Variants in DHRS12 observed in about 807,000 individuals in gnomAD.
DHRS12 encodes the protein dehydrogenase/reductase SDR family member 12.
In DHRS12, 29 loss-of-function variants were observed where a neutral mutation model predicts 32.1. The ratio of observed to expected loss-of-function variants is 0.90; its 90% CI spans 0.67 to 1.23. The LOEUF (loss-of-function observed/expected upper bound fraction) is 1.23, where lower values mean the gene tolerates loss of function less well. DHRS12 is among the 50% of genes most tolerant of loss of function. The pLI is 0.00. For synonymous variants in DHRS12, 150 were observed against 135.9 expected, an observed-to-expected ratio of 1.10 and a Z score of -0.72; for missense variants, 330 against 337.2, an observed-to-expected ratio of 0.98 and a Z score of 0.17.
At chr13:51,759,107 G>A in the DHRS12 span, among the ~76,000 whole-genome samples, 68 of 152,326 alleles carry the variant, frequency 4.5e-4, no homozygotes, top group Middle Eastern at 3.4e-3. Flanking sequence ...CTTGAGCCCA[G>A]TAAGTCGAGG....
intron 7 of DHRS12, among the ~76,000 whole-genome samples, chr13:51,769,538 G>A (rs531877913): frequency 6.8e-4 from 103 of 152,134 alleles, no homozygotes; most frequent in African/African-American, 2.1e-3. Flanking sequence ...CCATGTCCCC[G>A]GGGCACCAGC....
chr13:51,759,516 A>T, the DHRS12 span, among the ~76,000 whole-genome samples: 2 of 152,204 alleles, frequency 1.3e-5, no homozygotes, highest in Admixed American at 6.5e-5. Flanking sequence ...ATCTGCCATG[A>T]TTCTTCATGA....
intron 4 of DHRS12, among the ~76,000 whole-genome samples, chr13:51,781,694 C>T (rs902199597): frequency 6.6e-6 from 1 of 152,122 alleles, no homozygotes; most frequent in African/African-American, 2.4e-5. Context: ...CAAAGAGGCC[C>T]TGAGGCTGGA....
chr13:51,756,720 G>A, the DHRS12 span: 22 of 866,132 alleles, frequency 2.5e-5, no homozygotes, highest in Admixed American at 5.6e-4. Context: ...TAAATTAGCT[G>A]CTCCCAGAAC....
chr13:51,771,150 G>A, intron 7 of DHRS12: 1 of 1,526,788 alleles, frequency 6.5e-7, no homozygotes, highest in East Asian at 2.5e-5. Context: ...GAGGCTTGAG[G>A]ACAAATGCGT....
chr13:51,760,563 T>C, the DHRS12 span: 1 of 152,212 alleles, frequency 6.6e-6, no homozygotes, highest in Non-Finnish European at 1.5e-5. Context: ...AGAATTCAGT[T>C]GGAGCCTCCT....
At chr13:51,800,519 C>CA (rs1456500479) in intron 1 of DHRS12, among the ~76,000 whole-genome samples, 1 of 152,250 alleles carries the variant, frequency 6.6e-6, no homozygotes, top group African/African-American at 2.4e-5. Flanking sequence ...GCTGGGGTCT[C>CA]AGAGCTTACA....
At chr13:51,765,810 A>G (rs1214982521), downstream of DHRS12, 1 of 152,202 alleles carries the variant, frequency 6.6e-6, no homozygotes. Context: ...AAAGATGGTA[A>G]GGGTGGAAAT....
At chr13:51,796,776 C>A (rs1014232768) in intron 2 of DHRS12, among the ~76,000 whole-genome samples, 7 of 152,160 alleles carry the variant, frequency 4.6e-5, no homozygotes, top group Non-Finnish European at 1.0e-4. Flanking sequence ...CAGATCGCAG[C>A]GGCACTTGCA....
At chr13:51,763,952 A>G (rs1316654543), downstream of DHRS12, 1 of 152,262 alleles carries the variant, frequency 6.6e-6, no homozygotes, top group Non-Finnish European at 1.5e-5. Context: ...GGCTGTTCAT[A>G]GAATTTTAAT....
the DHRS12 span, among the ~76,000 whole-genome samples, chr13:51,755,183 A>G: frequency 2.0e-5 from 3 of 152,188 alleles, no homozygotes; most frequent in South Asian, 6.2e-4. Context: ...TCCCATCCCC[A>G]GGGCCTGCCA....
At chr13:51,762,211 C>G in the DHRS12 span, 1 of 152,222 alleles carries the variant, frequency 6.6e-6, no homozygotes, top group South Asian at 2.1e-4. Flanking sequence ...AAGGCCCAGG[C>G]GCCCAGCAAG....
intron 1 of DHRS12, among the ~76,000 whole-genome samples, chr13:51,802,062 T>C (rs529901915): frequency 6.6e-6 from 1 of 152,290 alleles, no homozygotes; most frequent in South Asian, 2.1e-4. Context: ...TCCATCCTGG[T>C]CCGATCTGTT....
chr13:51,790,007 T>A lies in DHRS12; in HGVS notation c.301+4A>T, dbSNP rs1296342020. 3 of 1,597,524 alleles carry A rather than the reference T, an allele frequency of 1.9e-6. No homozygotes were observed. The highest frequency in any genetic ancestry group is 1.1e-5 in the South Asian group (1 of 87,276). The stretch of plus-strand genomic sequence containing the variant: ...AAACAAATAAGAAAACTTCTTGTAC[T>A]TACCCAGAGTATTGGCAGCAAAGTT... On this transcript the variant is annotated splice_donor_region_variant and intron_variant, in intron 4 of 8. Transcript: ENST00000444610.
At chr13:51,793,832 C>T (rs529852135) in intron 2 of DHRS12, among the ~76,000 whole-genome samples, 60 of 152,320 alleles carry the variant, frequency 3.9e-4, no homozygotes, top group South Asian at 1.2e-3. Context: ...TATACAAAAT[C>T]CAGGTTAAAA....
chr13:51,755,435 C>T, the DHRS12 span: 1 of 1,614,116 alleles, frequency 6.2e-7, no homozygotes, highest in Non-Finnish European at 8.5e-7. Flanking sequence ...AAATGTGGGA[C>T]AGTAAGAAAA....
intron 2 of DHRS12, among the ~76,000 whole-genome samples, chr13:51,796,355 T>C (rs1345604704): frequency 2.0e-5 from 3 of 152,304 alleles, no homozygotes; most frequent in Non-Finnish European, 2.9e-5. Context: ...ACCCTCATCC[T>C]GGACGCTCCA....
At chr13:51,756,432 A>C in the DHRS12 span, 1 of 1,614,070 alleles carries the variant, frequency 6.2e-7, no homozygotes, top group Non-Finnish European at 8.5e-7. Context: ...AGGGTCTGTG[A>C]CAGCTGCCAC....
intron 1 of DHRS12, 26 bp downstream of exon 1, chr13:51,804,027 GC>G: frequency 2.1e-6 from 3 of 1,463,272 alleles, no homozygotes; most frequent in South Asian, 1.3e-5. Flanking sequence ...ACAGCCCGGG[GC>G]CCCGCGCCCC....
Sources: gnomAD v4.1 joint callset for allele counts (sites outside exome capture counted in the v4.1 genomes callset) on GRCh38, gnomAD v4.1.1 for gene constraint, MANE v1.5 for transcripts, NCBI Gene and HGNC (gene_info 2026-07-23, HGNC 2026-07-21) for gene names.